SNTB1: variants seen among roughly 807,000 people sequenced by gnomAD.
SNTB1 encodes the protein beta-1-syntrophin.
SNTB1 carries 36 observed loss-of-function variants against 48.9 expected under a neutral mutation model. The observed-to-expected ratio is 0.74, with a 90% CI of 0.56 to 0.97. The LOEUF is 0.97. Among genes scored for constraint, SNTB1 ranks in the 50% least tolerant of loss-of-function variants. The pLI is 0.00. For synonymous variants in SNTB1, 299 were observed against 294.6 expected, an observed-to-expected ratio of 1.01 and a Z score of -0.15; for missense variants, 786 against 703.4, an observed-to-expected ratio of 1.12 and a Z score of -1.33.
rs144124269 is a variant in SNTB1, at chr8:120,725,856, T to G, written c.572-31948A>C. Reference sequence around the variant, plus strand: ...GGAGAGCTTTCTTAAGAGTTGCTATTTGAAAATTTCTCAATATCATTAGCA... The same window carrying G: ...GGAGAGCTTTCTTAAGAGTTGCTATGTGAAAATTTCTCAATATCATTAGCA... On this transcript the variant is annotated intron_variant, in intron 1 of 6. Coordinates refer to ENST00000517992, the MANE Select transcript of SNTB1 (RefSeq NM_021021.4). Among the ~76,000 whole-genome samples, 439 of 152,328 alleles carry G rather than the reference T, an allele frequency of 2.9e-3. 3 individuals carry two copies. Among genetic ancestry groups the G allele is most frequent in the African/African-American group, 0.01 (417 of 41,574 alleles).
chr8:120,610,517 A>T (rs1221874964), intron 3 of SNTB1, among the ~76,000 whole-genome samples: 1 of 146,616 alleles, frequency 6.8e-6, no homozygotes, highest in African/African-American at 2.4e-5. Flanking sequence ...TTGCATTTGC[A>T]GCCCACTGAG....
At chr8:120,780,512 G>C (rs1819815421) in intron 1 of SNTB1, among the ~76,000 whole-genome samples, 1 of 152,170 alleles carries the variant, frequency 6.6e-6, no homozygotes, top group Non-Finnish European at 1.5e-5. Context: ...TGACATTATG[G>C]ATGATAATGA....
At chr8:120,599,009 A>G (rs1200190332) in intron 3 of SNTB1, among the ~76,000 whole-genome samples, 1 of 152,156 alleles carries the variant, frequency 6.6e-6, no homozygotes, top group Admixed American at 6.6e-5. Flanking sequence ...AATATGTACA[A>G]CTACCCTTTT....
At chr8:120,563,688 A>G (rs1203143000) in intron 4 of SNTB1, among the ~76,000 whole-genome samples, 1 of 152,226 alleles carries the variant, frequency 6.6e-6, no homozygotes, top group Non-Finnish European at 1.5e-5. Flanking sequence ...AACTTGATTT[A>G]GAAGAAAACT....
chr8:120,725,034 G>T (rs867411008), intron 1 of SNTB1, among the ~76,000 whole-genome samples: 1 of 152,194 alleles, frequency 6.6e-6, no homozygotes, highest in South Asian at 2.1e-4. Context: ...CCTTTAACCA[G>T]TGAGGACTTC....
intron 3 of SNTB1, among the ~76,000 whole-genome samples, chr8:120,594,049 A>C (rs560097950): frequency 9.5e-5 from 14 of 146,882 alleles, no homozygotes; most frequent in Admixed American, 8.2e-4. Flanking sequence ...AGCTCAGTAC[A>C]TGTCTTTATT....
At chr8:120,554,590 A>C (rs1233244534) in intron 4 of SNTB1, among the ~76,000 whole-genome samples, 1 of 152,112 alleles carries the variant, frequency 6.6e-6, no homozygotes, top group African/African-American at 2.4e-5. Context: ...TGAGTCACCA[A>C]AAATTGGGTA....
intron 1 of SNTB1, among the ~76,000 whole-genome samples, chr8:120,707,883 T>G (rs1818402510): frequency 1.3e-5 from 2 of 152,104 alleles, no homozygotes; most frequent in Admixed American, 1.3e-4. Context: ...TGGGAAAATC[T>G]ATGGATATTG....
In SNTB1 at chr8:120,542,185, A is replaced by G. The variant is rs146078197; in HGVS notation, c.1334-185T>C. The stretch of plus-strand genomic sequence containing the variant: ...ATTTATTTTGGTGTTGTAATTTTAA[A>G]AGCCCCATAGAACTAAGGAAAAATA... On this transcript the variant is annotated intron_variant, in intron 5 of 6. Coordinates refer to ENST00000517992, the MANE Select transcript of SNTB1 (RefSeq NM_021021.4). 4,145 of 563,318 alleles carry G rather than the reference A, an allele frequency of 7.4e-3. 26 individuals are homozygous for G. Among genetic ancestry groups the G allele is most frequent in the South Asian group, 0.013 (532 of 40,582 alleles). The allele number at this position is 563,318 out of a possible 1,614,324, so 34.9% of individuals were successfully genotyped here.
In SNTB1 at chr8:120,693,788, G is replaced by A. The variant is rs1554653757; in HGVS notation, c.692C>T (p.Ser231Leu). The change falls in exon 2 of 7, where the codon TCA becomes TTA. Residue 231 changes from serine (S) to leucine (L), a missense_variant. Coordinates refer to ENST00000517992, the MANE Select transcript of SNTB1 (RefSeq NM_021021.4). ...TCTGTGGAAGGAGAAGGACTGCGAT[G>A]ACGGGGGGTCTGAGGTGCTGCCCCC... is the stretch of plus-strand genomic sequence containing the variant. ...RLGGSTSDPP[S>L]SQSFSFHRDR... 2 of 1,614,102 alleles carry A rather than the reference G, an allele frequency of 1.2e-6. No individual in the cohort carries two copies. The highest frequency in any genetic ancestry group is 1.7e-6 in the Non-Finnish European group (2 of 1,180,008).
intron 1 of SNTB1, among the ~76,000 whole-genome samples, chr8:120,758,234 T>C (rs1462301610): frequency 6.6e-6 from 1 of 152,212 alleles, no homozygotes; most frequent in Non-Finnish European, 1.5e-5. Flanking sequence ...AGAGAGCTAA[T>C]AAATATTGTT....
intron 3 of SNTB1, among the ~76,000 whole-genome samples, chr8:120,618,355 C>T (rs1816747220): frequency 6.6e-6 from 1 of 152,126 alleles, no homozygotes; most frequent in African/African-American, 2.4e-5. Context: ...TTTCCTTGTC[C>T]CTTACATTCA....
chr8:120,636,017 C>A, intron 2 of SNTB1: 2 of 987,530 alleles, frequency 2.0e-6, no homozygotes, highest in South Asian at 3.8e-5. Flanking sequence ...AGATCTTTTG[C>A]AAGATGGCTA....
intron 2 of SNTB1, among the ~76,000 whole-genome samples, chr8:120,662,191 C>T (rs1172682382): frequency 6.6e-6 from 1 of 151,984 alleles, no homozygotes; most frequent in Non-Finnish European, 1.5e-5. Flanking sequence ...CACAAAATTG[C>T]TATTTAAAAA....
intron 1 of SNTB1, among the ~76,000 whole-genome samples, chr8:120,739,475 T>A (rs1819007536): frequency 6.6e-6 from 1 of 152,192 alleles, no homozygotes; most frequent in South Asian, 2.1e-4. Flanking sequence ...AAACCTAAGT[T>A]TTTCTGTACA....
At chr8:120,653,335 T>G (rs982661280) in intron 2 of SNTB1, among the ~76,000 whole-genome samples, 1 of 151,048 alleles carries the variant, frequency 6.6e-6, no homozygotes, top group Non-Finnish European at 1.5e-5. Context: ...GAAAAGAAGG[T>G]GATGTGAAGG....
chr8:120,652,420 G>A (rs1392499758), intron 2 of SNTB1, among the ~76,000 whole-genome samples: 1 of 152,122 alleles, frequency 6.6e-6, no homozygotes, highest in Non-Finnish European at 1.5e-5. Context: ...AATTGTTAAG[G>A]AGACTTTTTC....
At chr8:120,616,930 G>A (rs967506772) in intron 3 of SNTB1, among the ~76,000 whole-genome samples, 6 of 152,186 alleles carry the variant, frequency 3.9e-5, no homozygotes, top group Admixed American at 2.0e-4. Context: ...CCTGCAGAGC[G>A]AGGCCAGCAG....
intron 1 of SNTB1, among the ~76,000 whole-genome samples, chr8:120,783,776 T>G (rs1301182041): frequency 2.6e-5 from 4 of 152,212 alleles, no homozygotes; most frequent in Non-Finnish European, 4.4e-5. Flanking sequence ...CATCCGAGGA[T>G]TCAACCAACC....
Sources: gnomAD v4.1 joint callset for allele counts (sites outside exome capture counted in the v4.1 genomes callset) on GRCh38, gnomAD v4.1.1 for gene constraint, MANE v1.5 for transcripts, NCBI Gene and HGNC (gene_info 2026-07-23, HGNC 2026-07-21) for gene names.